RALYL: variants seen among roughly 807,000 people sequenced by gnomAD.
RALYL encodes RALY RNA binding protein like.
A neutral mutation model predicts 35.1 loss-of-function variants in RALYL; 29 were observed. The observed-to-expected ratio is 0.83, with a 90% CI of 0.61 to 1.13. RALYL has a LOEUF of 1.13. RALYL is among the 50% of genes most tolerant of loss of function. The pLI, the probability that RALYL is intolerant of heterozygous loss-of-function variation, is 0.00. For missense variants in RALYL, 359 were observed against 360.4 expected, an observed-to-expected ratio of 1.00 and a Z score of 0.03; for synonymous variants, 120 against 127.6, an observed-to-expected ratio of 0.94 and a Z score of 0.40.
At chr8:84,186,144 A>G (rs1246736517) in intron 1 of RALYL, among the ~76,000 whole-genome samples, 1 of 152,212 alleles carries the variant, frequency 6.6e-6, no homozygotes, top group Non-Finnish European at 1.5e-5. Flanking sequence ...TTGCATTTAT[A>G]TAAAGAAGAT....
chr8:84,372,685 C>A (rs1460158878), intron 1 of RALYL, among the ~76,000 whole-genome samples: 1 of 151,824 alleles, frequency 6.6e-6, no homozygotes, highest in African/African-American at 2.4e-5. Flanking sequence ...CAAAGTCAGA[C>A]CTTGTCTCTA....
At chr8:84,490,509 TA>T (rs774252964) in intron 1 of RALYL, among the ~76,000 whole-genome samples, 3 of 151,956 alleles carry the variant, frequency 2.0e-5, no homozygotes, top group Non-Finnish European at 4.4e-5. Flanking sequence ...TTGGAACTGT[TA>T]AAAACTGTTA....
intron 1 of RALYL, among the ~76,000 whole-genome samples, chr8:84,227,251 G>A (rs989917305): frequency 4.6e-5 from 7 of 151,420 alleles, no homozygotes; most frequent in African/African-American, 1.7e-4. Context: ...GTAGAGACGG[G>A]GTTTTACCAT....
At chr8:84,621,590 G>C (rs1449362788) in intron 2 of RALYL, among the ~76,000 whole-genome samples, 1 of 152,170 alleles carries the variant, frequency 6.6e-6, no homozygotes, top group Non-Finnish European at 1.5e-5. Flanking sequence ...GTAGACCGGA[G>C]CTGTTCCTAT....
At chr8:84,550,838 A>G (rs190675233) in intron 2 of RALYL, among the ~76,000 whole-genome samples, 14 of 152,070 alleles carry the variant, frequency 9.2e-5, no homozygotes, top group African/African-American at 3.4e-4. Flanking sequence ...TTTGATTACT[A>G]TCTATAAAAT....
intron 8 of RALYL, among the ~76,000 whole-genome samples, chr8:84,919,071 G>T (rs1848921710): frequency 6.6e-6 from 1 of 151,800 alleles, no homozygotes; most frequent in Non-Finnish European, 1.5e-5. Context: ...CATGCAGGAT[G>T]GTGTAAGAAT....
intron 1 of RALYL, among the ~76,000 whole-genome samples, chr8:84,466,209 C>G (rs1487440599): frequency 2.2e-5 from 3 of 138,774 alleles, no homozygotes; most frequent in Non-Finnish European, 4.6e-5. Context: ...GAGGGCATCC[C>G]TGTCTTGTGC....
intron 1 of RALYL, among the ~76,000 whole-genome samples, chr8:84,407,021 T>C (rs1053402829): frequency 9.3e-6 from 1 of 107,902 alleles, no homozygotes; most frequent in Non-Finnish European, 1.9e-5. Context: ...TCTCTCTCTA[T>C]ATATATATAT....
chr8:84,419,167 C>T (rs2045124588), intron 1 of RALYL, among the ~76,000 whole-genome samples: 1 of 152,146 alleles, frequency 6.6e-6, no homozygotes, highest in Admixed American at 6.6e-5. Context: ...TCCCTCCAGC[C>T]ATGCTACTAT....
intron 1 of RALYL, among the ~76,000 whole-genome samples, chr8:84,406,602 T>C (rs1193235378): frequency 6.6e-6 from 1 of 152,010 alleles, no homozygotes. Flanking sequence ...ATAACCATTT[T>C]GAATAAACCA....
intron 2 of RALYL, among the ~76,000 whole-genome samples, chr8:84,551,179 G>A (rs765345225): frequency 6.6e-6 from 1 of 151,534 alleles, no homozygotes; most frequent in Non-Finnish European, 1.5e-5. Context: ...ATTTCTACTA[G>A]ATAAAGGCTA....
chr8:84,310,040 T>G (rs993890356), intron 1 of RALYL, among the ~76,000 whole-genome samples: 16 of 150,816 alleles, frequency 1.1e-4, no homozygotes, highest in Non-Finnish European at 1.0e-4. Context: ...AAGTGTTTTC[T>G]TTTTTCTTTT....
intron 4 of RALYL, among the ~76,000 whole-genome samples, chr8:84,835,180 G>T (rs974221418): frequency 2.0e-5 from 3 of 152,184 alleles, no homozygotes; most frequent in Non-Finnish European, 4.4e-5. Context: ...AGACTGGCTT[G>T]TGAGGGGAAA....
chr8:84,650,785 C>G (rs1828604606), intron 2 of RALYL, among the ~76,000 whole-genome samples: 3 of 151,766 alleles, frequency 2.0e-5, no homozygotes, highest in Admixed American at 1.3e-4. Context: ...ATGTTTATTG[C>G]AGCACTATTC....
At chr8:84,457,186 G>T (rs1174413074) in intron 1 of RALYL, among the ~76,000 whole-genome samples, 2 of 151,888 alleles carry the variant, frequency 1.3e-5, no homozygotes, top group Non-Finnish European at 2.9e-5. Flanking sequence ...TATTTGCTCT[G>T]CATTAACAAA....
intron 8 of RALYL, among the ~76,000 whole-genome samples, chr8:84,897,346 T>C (rs1844926190): frequency 6.6e-6 from 1 of 152,184 alleles, no homozygotes; most frequent in Non-Finnish European, 1.5e-5. Context: ...AAACCCTGGA[T>C]TATCCAAATT....
chr8:84,218,876 C>A (rs959299360), intron 1 of RALYL, among the ~76,000 whole-genome samples: 1 of 152,066 alleles, frequency 6.6e-6, no homozygotes, highest in Non-Finnish European at 1.5e-5. Flanking sequence ...GGATAATACA[C>A]AGAAGGGGTG....
intron 2 of RALYL, among the ~76,000 whole-genome samples, chr8:84,774,340 G>A (rs939680533): frequency 6.6e-6 from 1 of 152,084 alleles, no homozygotes; most frequent in Non-Finnish European, 1.5e-5. Context: ...GTTTCTCACT[G>A]TCTTCCCCCA....
chr8:84,747,933 T>A (rs1285004154), intron 2 of RALYL, among the ~76,000 whole-genome samples: 2 of 151,938 alleles, frequency 1.3e-5, no homozygotes, highest in Non-Finnish European at 2.9e-5. Flanking sequence ...AAACTTTTTG[T>A]AGTTGGTTTC....
Sources: gnomAD v4.1 joint callset for allele counts (sites outside exome capture counted in the v4.1 genomes callset) on GRCh38, gnomAD v4.1.1 for gene constraint, MANE v1.5 for transcripts, NCBI Gene and HGNC (gene_info 2026-07-23, HGNC 2026-07-21) for gene names.